ELP3: variants seen among roughly 807,000 people sequenced by gnomAD.
ELP3 encodes elongator acetyltransferase complex subunit 3.
In ELP3, 56 loss-of-function variants were observed where a neutral mutation model predicts 74.9. The ratio of observed to expected loss-of-function variants is 0.75; its 90% CI spans 0.60 to 0.93. The LOEUF is 0.93. Ranked by LOEUF, ELP3 falls within the 40% of genes least tolerant of loss-of-function variation. ELP3 has a pLI of 0.00. For synonymous variants in ELP3, 222 were observed against 239.8 expected, an observed-to-expected ratio of 0.93 and a Z score of 0.68; for missense variants, 573 against 686.5, an observed-to-expected ratio of 0.83 and a Z score of 1.85.
chr8:28,131,818 G>A, intron 8 of ELP3, among the ~76,000 whole-genome samples: 1 of 152,110 alleles, frequency 6.6e-6, no homozygotes, highest in East Asian at 1.9e-4. Flanking sequence ...CTTCCTCCCT[G>A]TCTACAAATA....
At chr8:28,135,621 C>G (rs1254369212) in intron 9 of ELP3, among the ~76,000 whole-genome samples, 2 of 152,186 alleles carry the variant, frequency 1.3e-5, no homozygotes, top group African/African-American at 4.8e-5. Flanking sequence ...ACTAAATGTT[C>G]TCATCTGCCT....
At chr8:28,110,644 T>C (rs929353852) in intron 6 of ELP3, 8 of 480,422 alleles carry the variant, frequency 1.7e-5, no homozygotes, top group Non-Finnish European at 2.9e-5. Flanking sequence ...CTGTATTTAT[T>C]GTTTAAGGGT....
At chr8:28,096,462 A>G (rs1053715992) in intron 1 of ELP3, among the ~76,000 whole-genome samples, 7 of 152,196 alleles carry the variant, frequency 4.6e-5, no homozygotes, top group African/African-American at 1.4e-4. Context: ...CCAAGCTGAT[A>G]TCCCACAGCT....
At chr8:28,161,600 C>T (rs73560968) in intron 13 of ELP3, among the ~76,000 whole-genome samples, 10,947 of 142,276 alleles carry the variant, frequency 0.077, 799 homozygotes, top group East Asian at 0.33. Context: ...AGGGAGATTC[C>T]GTCTCAAGAG....
chr8:28,160,131 C>A, intron 12 of ELP3, 98 bp from the exon 13 acceptor site: 1 of 1,050,718 alleles, frequency 9.5e-7, no homozygotes, highest in South Asian at 1.7e-5. Context: ...ATTCCTTATC[C>A]CTAACTAGAT....
At chr8:28,142,784 A>G (rs982861212) in intron 10 of ELP3, among the ~76,000 whole-genome samples, 5 of 151,882 alleles carry the variant, frequency 3.3e-5, no homozygotes, top group Admixed American at 1.3e-4. Flanking sequence ...AGTATTTTCC[A>G]TTTTGTTTTC....
chr8:28,162,395 A>C (rs763152033), intron 14 of ELP3, among the ~76,000 whole-genome samples: 2 of 152,190 alleles, frequency 1.3e-5, no homozygotes, highest in Non-Finnish European at 2.9e-5. Context: ...ATTTGATGAT[A>C]TGGACAGGAG....
intron 7 of ELP3, among the ~76,000 whole-genome samples, chr8:28,118,029 G>C (rs76175590): frequency 6.6e-6 from 1 of 152,322 alleles, no homozygotes; most frequent in African/African-American, 2.4e-5. Flanking sequence ...GTGAAAACTG[G>C]TTGGTTTGCA....
rs1554499221 is a variant in ELP3 at position 28,132,261 on chromosome 8, T to G, written c.780-17T>G. The G allele has an allele frequency of 1.2e-6, 2 of 1,613,788 alleles. No individual in the cohort carries two copies. Among genetic ancestry groups the G allele is most frequent in the Non-Finnish European group, 8.5e-7 (1 of 1,179,766 alleles). On this transcript the variant is annotated splice_polypyrimidine_tract_variant and intron_variant, in intron 8 of 14. Coordinates refer to ENST00000256398, the MANE Select transcript of ELP3 (RefSeq NM_018091.6). ...AATAGGTAGTGATTTTCACAGGTAG[T>G]GATTTTCTTTCCTTAGGGGCCACAC...
At chr8:28,166,429 ATATC>A (rs1158829454) in intron 14 of ELP3, among the ~76,000 whole-genome samples, 2 of 152,236 alleles carry the variant, frequency 1.3e-5, no homozygotes, top group African/African-American at 4.8e-5. Context: ...TTGCTGCTAA[ATATC>A]TAAGCAATTA....
chr8:28,097,345 C>T, intron 2 of ELP3, 27 bp downstream of exon 2: 6 of 1,497,356 alleles, frequency 4.0e-6, no homozygotes, highest in Non-Finnish European at 5.6e-6. Context: ...AGAGAGCAAG[C>T]TTGTTCTTAG....
chr8:28,094,032 G>A (rs1811153503), intron 1 of ELP3, among the ~76,000 whole-genome samples: 1 of 152,142 alleles, frequency 6.6e-6, no homozygotes, highest in African/African-American at 2.4e-5. Context: ...TAAATACATC[G>A]TTAATCCCTA....
At chr8:28,106,297 T>C (rs1441097907) in intron 3 of ELP3, among the ~76,000 whole-genome samples, 2 of 151,890 alleles carry the variant, frequency 1.3e-5, no homozygotes, top group Admixed American at 1.3e-4. Flanking sequence ...TCCCAGCACT[T>C]TGGGAGGCCG....
chr8:28,134,100 C>T lies in ELP3; in HGVS notation c.906+1696C>T, dbSNP rs142832980. ...GGTATTTCTCCTAATGCTGTCCCTC[C>T]GCCTGCCCCCCACCCCACGACAGGC... On this transcript the variant is annotated intron_variant, in intron 9 of 14. Transcript: ENST00000256398. Among the ~76,000 whole-genome samples, 54 of 152,268 alleles carry T rather than the reference C, an allele frequency of 3.5e-4. 1 individual carries two copies. Among genetic ancestry groups the T allele is most frequent in the Admixed American group, 6.5e-5 (1 of 15,300 alleles).
At chr8:28,163,419 C>T (rs1275746941) in intron 14 of ELP3, among the ~76,000 whole-genome samples, 1 of 151,548 alleles carries the variant, frequency 6.6e-6, no homozygotes, top group East Asian at 1.9e-4. Context: ...AATACCCATG[C>T]TTGGGTTTTA....
intron 8 of ELP3, 103 bp downstream of exon 8, chr8:28,129,766 G>C: frequency 1.5e-6 from 2 of 1,303,994 alleles, no homozygotes; most frequent in Non-Finnish European, 2.2e-6. Context: ...CTTAGGGAAA[G>C]AAGTATGGGT....
In ELP3 at chr8:28,137,876, T is replaced by C. The variant is rs372519814; in HGVS notation, c.1085T>C (p.Val362Ala). 189 of 1,610,284 alleles carry C rather than the reference T, an allele frequency of 1.2e-4. No individual in the cohort carries two copies. Among genetic ancestry groups the C allele is most frequent in the Non-Finnish European group, 1.5e-4 (172 of 1,178,902 alleles). The change falls in exon 10 of 15, where the codon GTG (valine) becomes GCG (alanine). Residue 362 changes from valine to alanine, a missense_variant. Coordinates refer to ENST00000256398, the MANE Select transcript of ELP3 (RefSeq NM_018091.6). ...GCCCTCGTGCCTCCATGGACTCGAGTGTACCGAGTACAGAGGTAGTGTGTT... is the reference window on the plus strand; with the variant it reads ...GCCCTCGTGCCTCCATGGACTCGAGCGTACCGAGTACAGAGGTAGTGTGTT... The part of the protein sequence containing the change: ...ILALVPPWTR[V>A]YRVQRDIPMP...
chr8:28,178,363 T>C (rs997308740), intron 14 of ELP3, among the ~76,000 whole-genome samples: 1 of 152,174 alleles, frequency 6.6e-6, no homozygotes, highest in African/African-American at 2.4e-5. Flanking sequence ...CCCTTCCCTC[T>C]TCCTTCCCAG....
intron 14 of ELP3, among the ~76,000 whole-genome samples, chr8:28,175,026 T>C (rs1241774121): frequency 1.3e-5 from 2 of 152,204 alleles, no homozygotes; most frequent in Admixed American, 1.3e-4. Flanking sequence ...TAATTGAGGA[T>C]TCCTTCTATG....
Sources: gnomAD v4.1 joint callset for allele counts (sites outside exome capture counted in the v4.1 genomes callset) on GRCh38, gnomAD v4.1.1 for gene constraint, MANE v1.5 for transcripts, NCBI Gene and HGNC (gene_info 2026-07-23, HGNC 2026-07-21) for gene names.